CCT4: variants seen among roughly 807,000 people sequenced by gnomAD.
The protein encoded by CCT4 is T-complex protein 1 subunit delta.
CCT4 carries 17 observed loss-of-function variants against 62.5 expected under a neutral mutation model. That is an observed-to-expected ratio of 0.27 (90% confidence interval 0.19 to 0.41). CCT4 has a LOEUF of 0.41. Among genes scored for constraint, CCT4 ranks in the 10% least tolerant of loss-of-function variants. CCT4 has a pLI of 1.00. For missense variants in CCT4, 592 were observed against 659.2 expected (o/e 0.90, Z 1.12); for synonymous variants, 250 against 229.9 (o/e 1.09, Z -0.79).
At chr2:61,880,753 T>C (rs1669095087) in intron 3 of CCT4, among the ~76,000 whole-genome samples, 1 of 152,156 alleles carries the variant, frequency 6.6e-6, no homozygotes, top group South Asian at 2.1e-4. Context: ...TCACCCAGAC[T>C]GGAGTATAGC....
chr2:61,869,530 C>T lies in CCT4; in HGVS notation c.1515G>A (p.Glu505=). 6.2e-7 allele frequency: 1 copy of T among 1,609,342 alleles called. No individual in the cohort carries two copies. Among genetic ancestry groups the T allele is most frequent in the Non-Finnish European group, 8.5e-7 (1 of 1,175,694 alleles). Residue 505 remains glutamate (E), a synonymous_variant, in exon 13 of 14, where the codon GAG becomes GAA. Transcript: ENST00000394440. ...VRKGGISNIL[E]ELVVQPLLVS... is the part of the protein sequence containing the mutation. ...CCAACAGAGGCTGGACAACCAGTTCCTCCAAAATGTTGGAAATACCACCCT... is the reference window on the plus strand; with the variant it reads ...CCAACAGAGGCTGGACAACCAGTTCTTCCAAAATGTTGGAAATACCACCCT...
intron 1 of CCT4, chr2:61,885,919 T>C (rs1040225103): frequency 1.3e-5 from 2 of 152,188 alleles, no homozygotes; most frequent in African/African-American, 4.8e-5. Context: ...ACCAGAAGTG[T>C]TTTGAATTTT....
In CCT4 at chr2:61,878,995, G is replaced by A. The variant is rs1455323049; in HGVS notation, c.396C>T (p.Ile132=). ...GGGCCTTCTGGAATGACTCAGAAATGATGGTTGGATGAATCCCTGTAATTT... is the reference window on the plus strand; with the variant it reads ...GGGCCTTCTGGAATGACTCAGAAATAATGGTTGGATGAATCCCTGTAATTT... ...KLLQKGIHPT[I]ISESFQKALE... is the part of the protein sequence containing the mutation. Residue 132 remains isoleucine, a synonymous_variant, in exon 5 of 14, where the codon ATC becomes ATT. Transcript: ENST00000394440. The A allele has an allele frequency of 1.9e-6, 3 of 1,603,238 alleles. No individual in the cohort carries two copies. The highest frequency in any genetic ancestry group is 2.6e-6 in the Non-Finnish European group (3 of 1,176,304).
intron 3 of CCT4, among the ~76,000 whole-genome samples, chr2:61,882,011 G>A (rs1330236045): frequency 6.6e-6 from 1 of 150,472 alleles, no homozygotes; most frequent in Non-Finnish European, 1.5e-5. Flanking sequence ...TCGGCTCACT[G>A]CAACCTCTGC....
chr2:61,880,520 T>A (rs1669089639), intron 3 of CCT4, 126 bp from the exon 4 acceptor site: 2 of 648,454 alleles, frequency 3.1e-6, no homozygotes, highest in African/African-American at 3.7e-5. Flanking sequence ...TGATTTCTTC[T>A]GATTTGTTGT....
intron 3 of CCT4, among the ~76,000 whole-genome samples, chr2:61,880,642 A>C (rs549937081): frequency 6.6e-6 from 1 of 152,264 alleles, no homozygotes; most frequent in East Asian, 1.9e-4. Flanking sequence ...GAAAGCAAAA[A>C]TATATCGTAA....
intron 7 of CCT4, 112 bp downstream of exon 7, chr2:61,876,808 C>A (rs183012236): frequency 1.1e-6 from 1 of 886,168 alleles, no homozygotes; most frequent in Non-Finnish European, 1.7e-6. Flanking sequence ...TCTAGTAAGT[C>A]TTTTGAGATC....
intron 1 of CCT4, among the ~76,000 whole-genome samples, chr2:61,886,795 C>A (rs1335909906): frequency 6.6e-6 from 1 of 151,350 alleles, no homozygotes; most frequent in Non-Finnish European, 1.5e-5. Context: ...GAGTTTCGCT[C>A]GTCACCCTGG....
intron 2 of CCT4, among the ~76,000 whole-genome samples, chr2:61,883,773 G>GACAGAC (rs1216181852): frequency 0.098 from 14,131 of 143,534 alleles, 1,038 homozygotes; most frequent in East Asian, 0.33. Flanking sequence ...AAGAAATGTA[G>GACAGAC]ACACACACAC....
At chr2:61,886,463 A>T (rs114992688) in intron 1 of CCT4, among the ~76,000 whole-genome samples, 1,608 of 152,204 alleles carry the variant, frequency 0.011, 31 homozygotes, top group African/African-American at 0.037. Flanking sequence ...AAAACTCTCA[A>T]ATCATAGCTT....
At position 61,885,072 on chromosome 2, in the gene CCT4, G is replaced by A. The variant is rs1218940061; in HGVS notation, c.128C>T (p.Ala43Val). The change falls in exon 2 of 14, where the codon GCG (alanine) becomes GTG (valine). Residue 43 changes from alanine to valine, a missense_variant and splice_region_variant. Around this residue, in one of 3 missense-constraint regions of CCT4, gnomAD observed 67 missense variants for 71.1 expected, o/e 0.94. Coordinates refer to ENST00000394440, the MANE Select transcript of CCT4 (RefSeq NM_006430.4). ...GCTTGTTCTAATAGCATCAGCAACC[G>A]CTGCAGATGGGGGGGAAAAAAAAGA... Reference protein sequence around the residue: ...IRFSNISAAKAVADAIRTSLG... With the variant: ...IRFSNISAAKVVADAIRTSLG... 2.6e-6 allele frequency: 4 copies of A among 1,531,390 alleles called. No homozygotes were observed. Among genetic ancestry groups the A allele is most frequent in the African/African-American group, 1.5e-5 (1 of 66,256 alleles). The allele number at this position is 1,531,390 out of a possible 1,614,324, so 94.9% of individuals were successfully genotyped here. A position where few individuals can be genotyped will look rare whatever the true frequency, so the allele number is the denominator to read the frequency against.
intron 1 of CCT4, among the ~76,000 whole-genome samples, chr2:61,886,845 C>T (rs1669264211): frequency 6.6e-6 from 1 of 152,030 alleles, no homozygotes; most frequent in Non-Finnish European, 1.5e-5. Context: ...CGGCAACCTC[C>T]GCCTCCCAGG....
rs1553361768 is a variant in CCT4, at chr2:61,875,140, T to TC, written c.917+954dup. On this transcript the variant is annotated intron_variant, in intron 8 of 13. Transcript: ENST00000394440. ...TGGGCAACAAGAGCGAAACTCCATTTCAAAAAAAAAAGGAAGATTACGCAC... is the reference window on the plus strand; with the variant it reads ...TGGGCAACAAGAGCGAAACTCCATTTCCAAAAAAAAAAGGAAGATTACGCAC... 2.1e-3 allele frequency among the ~76,000 whole-genome samples: 23 copies of TC among 10,810 alleles called. No homozygotes were observed. In the East Asian group the frequency reaches 0.1, roughly 48 times the overall value. The allele number at this position is 10,810 out of a possible 152,430, so 7.1% of individuals were successfully genotyped here.
At chr2:61,875,245 G>A (rs1419147956) in intron 8 of CCT4, among the ~76,000 whole-genome samples, 1 of 151,096 alleles carries the variant, frequency 6.6e-6, no homozygotes, top group Non-Finnish European at 1.5e-5. Flanking sequence ...AAAAAATGCA[G>A]ATTTCTGGTG....
intron 3 of CCT4, among the ~76,000 whole-genome samples, chr2:61,882,277 T>C (rs1476116293): frequency 6.6e-6 from 1 of 152,192 alleles, no homozygotes; most frequent in East Asian, 1.9e-4. Context: ...CTCATATGAC[T>C]TGACACCAGG....
At chr2:61,872,813 G>C (rs993530339) in intron 10 of CCT4, among the ~76,000 whole-genome samples, 189 bp downstream of exon 10, 1 of 152,152 alleles carries the variant, frequency 6.6e-6, no homozygotes, top group African/African-American at 2.4e-5. Context: ...TGTAGTCCCA[G>C]CTTCCCGGGA....
intron 5 of CCT4, among the ~76,000 whole-genome samples, chr2:61,878,527 T>G (rs557672610): frequency 6.6e-6 from 1 of 152,202 alleles, no homozygotes; most frequent in South Asian, 2.1e-4. Context: ...AAATATTCAA[T>G]AAAAATTAGC....
intron 12 of CCT4, among the ~76,000 whole-genome samples, chr2:61,871,726 C>G (rs1572914660): frequency 1.3e-5 from 2 of 152,286 alleles, no homozygotes; most frequent in East Asian, 3.9e-4. Flanking sequence ...TAGTATATGC[C>G]AAGCATCTAT....
At chr2:61,874,483 G>A (rs1419538282) in intron 8 of CCT4, among the ~76,000 whole-genome samples, 1 of 152,018 alleles carries the variant, frequency 6.6e-6, no homozygotes, top group Non-Finnish European at 1.5e-5. Flanking sequence ...GGTGGCACGT[G>A]ACTGTAATCC....
Sources: allele counts gnomAD v4.1 joint callset (sites outside exome capture counted in the v4.1 genomes callset), GRCh38; gene constraint gnomAD v4.1.1; regional missense constraint gnomAD v4.1.1; transcripts MANE v1.5; gene names NCBI Gene and HGNC (gene_info 2026-07-23, HGNC 2026-07-21).